The following SCAPER variants were observed in gnomAD, a reference collection of about 807,000 sequenced individuals.
SCAPER encodes the protein S phase cyclin A-associated protein in the endoplasmic reticulum.
SCAPER carries 98 observed loss-of-function variants against 182.2 expected under a neutral mutation model. That is an observed-to-expected ratio of 0.54 (90% confidence interval 0.46 to 0.64). SCAPER has a LOEUF of 0.64. Among genes scored for constraint, SCAPER ranks in the 30% least tolerant of loss-of-function variants. The pLI, the probability that SCAPER is intolerant of heterozygous loss-of-function variation, is 0.00. For synonymous variants in SCAPER, 605 were observed against 564.6 expected, an observed-to-expected ratio of 1.07 and a Z score of -1.01; for missense variants, 1,432 against 1,690.0, an observed-to-expected ratio of 0.85 and a Z score of 2.68.
chr15:76,729,287 TATACAC>T (rs1392907743), intron 16 of SCAPER, among the ~76,000 whole-genome samples: 1 of 128,516 alleles, frequency 7.8e-6, no homozygotes, highest in African/African-American at 3.3e-5. Context: ...CACACATATA[TATACAC>T]ATACACACAC....
At chr15:76,726,124 A>AATATGAATATAT (rs1555555703) in intron 17 of SCAPER, among the ~76,000 whole-genome samples, 6 of 15,352 alleles carry the variant, frequency 3.9e-4, no homozygotes, top group Admixed American at 1.1e-3. Flanking sequence ...TAATGTCTAG[A>AATATGAATATAT]ATATATATAT....
At chr15:76,498,992 C>A (rs929085666) in intron 24 of SCAPER, among the ~76,000 whole-genome samples, 4 of 152,060 alleles carry the variant, frequency 2.6e-5, no homozygotes, top group East Asian at 3.8e-4. Context: ...ACTGGGCATA[C>A]CTTACAAAAA....
intron 2 of SCAPER, among the ~76,000 whole-genome samples, chr15:76,880,956 G>A (rs544173695): frequency 1.3e-5 from 2 of 152,296 alleles, no homozygotes; most frequent in South Asian, 2.1e-4. Flanking sequence ...CTGTTGGTGG[G>A]AATTTTAAAT....
chr15:76,820,290 G>A (rs1396968179), intron 5 of SCAPER, among the ~76,000 whole-genome samples: 5 of 152,098 alleles, frequency 3.3e-5, no homozygotes, highest in Non-Finnish European at 7.4e-5. Flanking sequence ...ACATGCACAT[G>A]TATGTTTATT....
At chr15:76,563,528 T>C (rs1398574762) in intron 23 of SCAPER, among the ~76,000 whole-genome samples, 1 of 151,922 alleles carries the variant, frequency 6.6e-6, no homozygotes, top group Non-Finnish European at 1.5e-5. Flanking sequence ...CAGTAATAAA[T>C]AGCCAATCAA....
chr15:76,799,287 ATTTTTTTT>A (rs11395127), intron 7 of SCAPER, among the ~76,000 whole-genome samples: 1 of 140,482 alleles, frequency 7.1e-6, no homozygotes, highest in African/African-American at 2.6e-5. Context: ...ATCTCCTGGA[ATTTTTTTT>A]TTTTTTTTGA....
Position 76,765,356 on chromosome 15 carries a change from A to G in SCAPER, c.1594T>C (p.Ser532Pro). ...CCAGACCTTTTACGAGAGGGTGAAG[A>G]AAGTTTTTCATGCATGTGAATTCCA... ...GHGIHMHEKL[S>P]SPSRKRTIAE... Residue 532 changes from serine to proline, a missense_variant, in exon 13 of 32, where the codon TCT (serine) becomes CCT (proline). By Grantham distance (74) the Ser-to-Pro change is moderately conservative (BLOSUM62 -1). Around this residue, in one of 5 missense-constraint regions of SCAPER, gnomAD observed 128 missense variants for 149.9 expected, o/e 0.85. Coordinates refer to ENST00000563290, the MANE Select transcript of SCAPER (RefSeq NM_020843.4). 6.2e-7 allele frequency: 1 copy of G among 1,613,172 alleles called. No homozygotes were observed. The highest frequency in any genetic ancestry group is 8.5e-7 in the Non-Finnish European group (1 of 1,179,496).
intron 21 of SCAPER, among the ~76,000 whole-genome samples, chr15:76,637,065 T>C (rs1356801179): frequency 6.6e-6 from 1 of 152,050 alleles, no homozygotes; most frequent in African/African-American, 2.4e-5. Flanking sequence ...TTTTTGAGTA[T>C]ATACATAAGG....
intron 29 of SCAPER, among the ~76,000 whole-genome samples, chr15:76,357,911 G>A (rs892283856): frequency 2.0e-5 from 3 of 152,170 alleles, no homozygotes; most frequent in Non-Finnish European, 4.4e-5. Context: ...AACATAGAGA[G>A]TGAAAGAACA....
At chr15:76,641,464 G>A (rs991334515) in intron 21 of SCAPER, among the ~76,000 whole-genome samples, 3 of 151,918 alleles carry the variant, frequency 2.0e-5, no homozygotes, top group Admixed American at 6.6e-5. Flanking sequence ...GGACCACAAG[G>A]CGATGACCCC....
At chr15:76,748,922 T>C (rs779052598) in intron 15 of SCAPER, among the ~76,000 whole-genome samples, 1 of 151,520 alleles carries the variant, frequency 6.6e-6, no homozygotes, top group Non-Finnish European at 1.5e-5. Flanking sequence ...TGGTAGATTT[T>C]ACAAGAAAAA....
At chr15:76,464,935 T>C (rs909031238) in intron 25 of SCAPER, among the ~76,000 whole-genome samples, 2 of 152,160 alleles carry the variant, frequency 1.3e-5, no homozygotes. Context: ...CTAACAGGCA[T>C]GAGGTGATAT....
intron 2 of SCAPER, among the ~76,000 whole-genome samples, chr15:76,880,263 T>C (rs766085411): frequency 6.6e-5 from 10 of 152,214 alleles, no homozygotes; most frequent in South Asian, 2.1e-4. Flanking sequence ...TCAGGAGTTA[T>C]AGAAATACAA....
rs373879650 is a variant in SCAPER at position 76,701,851 on chromosome 15, T to C, written c.2415A>G (p.Val805=). Reference sequence around the variant, plus strand: ...TCCCTTTAACATGGCTAAAAAGATATACCTCTGAAGAGATCTGAAAGCACA... The same window carrying C: ...TCCCTTTAACATGGCTAAAAAGATACACCTCTGAAGAGATCTGAAAGCACA... ...SLCNVLISSE[V]YLFSHVKGRK... is the part of the protein sequence containing the mutation. Residue 805 remains valine, a synonymous_variant, in exon 20 of 32, where the codon GTA becomes GTG. Coordinates refer to ENST00000563290, the MANE Select transcript of SCAPER (RefSeq NM_020843.4). 5 of 1,613,522 alleles carry C rather than the reference T, an allele frequency of 3.1e-6. No homozygotes were observed. Among genetic ancestry groups the C allele is most frequent in the Non-Finnish European group, 4.2e-6 (5 of 1,179,552 alleles).
chr15:76,404,655 A>G lies in SCAPER; in HGVS notation c.3336T>C (p.Ile1112=). ...LISYVVNMGL[I]DKLCACFLSV... ...AGAGGAAGCAGGCACACAGTTTGTC[A>G]ATCAGACCCATGTTCACCACGTAGC... The change falls in exon 27 of 32, where the codon ATT becomes ATC. Residue 1112 remains isoleucine, a synonymous_variant. Transcript: ENST00000563290. The G allele has an allele frequency of 6.2e-7, 1 of 1,612,388 alleles. No homozygotes were observed. The highest frequency in any genetic ancestry group is 8.5e-7 in the Non-Finnish European group (1 of 1,179,512).
At position 76,601,487 on chromosome 15, in the gene SCAPER, C is replaced by T. The variant is rs1209498579; in HGVS notation, c.2711+20277G>A. 3.3e-5 allele frequency among the ~76,000 whole-genome samples: 4 copies of T among 121,566 alleles called. 1 individual carries two copies. Among genetic ancestry groups the T allele is most frequent in the Non-Finnish European group, 8.0e-5 (4 of 50,084 alleles). 79.8% of individuals were successfully genotyped at this position (121,566 alleles called of 152,430 possible). A position where few individuals can be genotyped will look rare whatever the true frequency, so the allele number is the denominator to read the frequency against. ...GTATTCATTACAGTAACATGGCATACATGTTTGTAGCCTAAGAGCTATAGG... is the reference window on the plus strand; with the variant it reads ...GTATTCATTACAGTAACATGGCATATATGTTTGTAGCCTAAGAGCTATAGG... On this transcript the variant is annotated intron_variant, in intron 22 of 31. Coordinates refer to ENST00000563290, the MANE Select transcript of SCAPER (RefSeq NM_020843.4).
In SCAPER at chr15:76,548,566, T is replaced by A. The variant is rs902630386; in HGVS notation, c.2838+25592A>T. Among the ~76,000 whole-genome samples, 4 of 152,212 alleles carry A rather than the reference T, an allele frequency of 2.6e-5. No individual in the cohort carries two copies. In the South Asian group the frequency reaches 8.3e-4, roughly 32 times the overall value. On this transcript the variant is annotated intron_variant, in intron 23 of 31. Coordinates refer to ENST00000563290, the MANE Select transcript of SCAPER (RefSeq NM_020843.4). The stretch of plus-strand genomic sequence containing the variant: ...TATCTTGGGGTAAACACTGCATCTG[T>A]AAGCGCCACTGGTGAGTATTCTCAA...
chr15:76,842,908 A>T (rs2069619482), intron 4 of SCAPER, among the ~76,000 whole-genome samples: 1 of 152,152 alleles, frequency 6.6e-6, no homozygotes, highest in Non-Finnish European at 1.5e-5. Flanking sequence ...GATATTCCAG[A>T]CCACCTCATT....
At chr15:76,569,115 T>G (rs1316813181) in intron 23 of SCAPER, among the ~76,000 whole-genome samples, 1 of 152,050 alleles carries the variant, frequency 6.6e-6, no homozygotes, top group Admixed American at 6.6e-5. Flanking sequence ...ACAGTAAATA[T>G]TTTTGTTGTA....
Sources: allele counts gnomAD v4.1 joint callset (sites outside exome capture counted in the v4.1 genomes callset), GRCh38; gene constraint gnomAD v4.1.1; regional missense constraint gnomAD v4.1.1; transcripts MANE v1.5; gene names NCBI Gene and HGNC (gene_info 2026-07-23, HGNC 2026-07-21).